KIF6: variants seen among roughly 807,000 people sequenced by gnomAD.
The protein encoded by KIF6 is kinesin family member 6.
In KIF6, 106 loss-of-function variants were observed where a neutral mutation model predicts 112.7. The ratio of observed to expected loss-of-function variants is 0.94; its 90% confidence interval spans 0.80 to 1.11. The LOEUF (loss-of-function observed/expected upper bound fraction) is 1.11, where lower values mean the gene tolerates loss of function less well. Among genes scored for constraint, KIF6 ranks in the 50% least tolerant of loss-of-function variants. The pLI is 0.00. For synonymous variants in KIF6, 339 were observed against 339.9 expected, an observed-to-expected ratio of 1.00 and a Z score of 0.03; for missense variants, 929 against 964.0, an observed-to-expected ratio of 0.96 and a Z score of 0.48.
chr6:39,586,329 C>T lies in KIF6; in HGVS notation c.922G>A (p.Asp308Asn). The change falls in exon 8 of 23, where the codon GAC becomes AAC. Residue 308 changes from aspartate (D) to asparagine (N), a missense_variant. By Grantham distance (23) the Asp-to-Asn change is conservative. This residue lies in a region of KIF6 where 688 missense variants were observed against 662.7 expected (regional missense o/e 1.04). Coordinates refer to ENST00000287152, the MANE Select transcript of KIF6 (RefSeq NM_145027.6). ...GTCATGCAGTTCCCTCCCAAACTGT[C>T]TCTTAGGACACTGGTCATCATGGAG... ...RNSMMTSVLR[D>N]SLGGNCMTTM... is the part of the protein sequence containing the mutation. The T allele has an allele frequency of 6.2e-7, 1 of 1,614,062 alleles. No individual in the cohort carries two copies. The highest frequency in any genetic ancestry group is 8.5e-7 in the Non-Finnish European group (1 of 1,179,916).
chr6:39,652,736 T>C (rs911145980), intron 3 of KIF6, among the ~76,000 whole-genome samples: 1 of 152,162 alleles, frequency 6.6e-6, no homozygotes, highest in Non-Finnish European at 1.5e-5. Flanking sequence ...ATCTCCCATT[T>C]TAGAGATGAG....
intron 16 of KIF6, among the ~76,000 whole-genome samples, chr6:39,379,389 G>C (rs1352519460): frequency 6.6e-6 from 1 of 152,172 alleles, no homozygotes. Context: ...GCATTCATCT[G>C]GCCATTGACT....
chr6:39,516,637 A>G (rs1582029437), intron 13 of KIF6, among the ~76,000 whole-genome samples: 1 of 152,190 alleles, frequency 6.6e-6, no homozygotes, highest in African/African-American at 2.4e-5. Context: ...TTACTTGTAA[A>G]GTTTTAATTT....
chr6:39,621,194 T>C (rs964929672), intron 5 of KIF6, among the ~76,000 whole-genome samples: 4 of 120,204 alleles, frequency 3.3e-5, no homozygotes, highest in African/African-American at 1.4e-4. Context: ...CACCGTAAGA[T>C]AGACACACAC....
At chr6:39,605,021 T>C (rs1457386277) in intron 6 of KIF6, among the ~76,000 whole-genome samples, 1 of 152,142 alleles carries the variant, frequency 6.6e-6, no homozygotes, top group African/African-American at 2.4e-5. Flanking sequence ...TAAATTGTGG[T>C]ACATATGGGA....
At chr6:39,604,295 T>C (rs1449680809) in intron 6 of KIF6, among the ~76,000 whole-genome samples, 2 of 152,174 alleles carry the variant, frequency 1.3e-5, no homozygotes, top group African/African-American at 4.8e-5. Context: ...ATTCTTTATA[T>C]AGTTCTTCCC....
At chr6:39,648,606 T>A (rs1249936044) in intron 3 of KIF6, among the ~76,000 whole-genome samples, 1 of 152,200 alleles carries the variant, frequency 6.6e-6, no homozygotes, top group Non-Finnish European at 1.5e-5. Flanking sequence ...GACATGTTCT[T>A]CAGTTTGCTG....
At chr6:39,470,404 C>T (rs1562244710) in intron 13 of KIF6, among the ~76,000 whole-genome samples, 1 of 152,200 alleles carries the variant, frequency 6.6e-6, no homozygotes, top group Non-Finnish European at 1.5e-5. Context: ...ACAGACTTCT[C>T]TGTAGGAGCA....
At chr6:39,617,739 C>T (rs902302559) in intron 5 of KIF6, 12 of 455,530 alleles carry the variant, frequency 2.6e-5, no homozygotes, top group Non-Finnish European at 4.0e-5. Flanking sequence ...TGAGGTCATA[C>T]AGACTAGAGG....
intron 3 of KIF6, among the ~76,000 whole-genome samples, chr6:39,656,697 C>T (rs1785804305): frequency 6.6e-6 from 1 of 152,098 alleles, no homozygotes; most frequent in African/African-American, 2.4e-5. Context: ...ACATCACAAA[C>T]CTCAGCCTCC....
chr6:39,529,740 T>C (rs1024784007), intron 13 of KIF6, among the ~76,000 whole-genome samples: 1 of 151,876 alleles, frequency 6.6e-6, no homozygotes, highest in Non-Finnish European at 1.5e-5. Flanking sequence ...TGAGCCAAGA[T>C]CATGCCACTG....
At chr6:39,639,262 AAAAG>A (rs770915344) in intron 4 of KIF6, among the ~76,000 whole-genome samples, 21 of 152,088 alleles carry the variant, frequency 1.4e-4, no homozygotes, top group Non-Finnish European at 2.8e-4. Flanking sequence ...TTCAGTAGCT[AAAAG>A]AAAGATCTGC....
intron 13 of KIF6, among the ~76,000 whole-genome samples, chr6:39,467,246 A>G (rs891212771): frequency 1.3e-5 from 2 of 152,232 alleles, no homozygotes; most frequent in African/African-American, 4.8e-5. Context: ...GATCAGCTAG[A>G]TGCTTAACAG....
chr6:39,681,988 C>G (rs1227325592), intron 3 of KIF6, among the ~76,000 whole-genome samples: 7 of 151,880 alleles, frequency 4.6e-5, no homozygotes, highest in African/African-American at 1.5e-4. Context: ...GGGGGAAATA[C>G]TGAATTCTGT....
intron 13 of KIF6, among the ~76,000 whole-genome samples, chr6:39,538,605 T>G (rs1778590176): frequency 6.6e-6 from 1 of 150,688 alleles, no homozygotes; most frequent in Non-Finnish European, 1.5e-5. Context: ...AGGAACACTT[T>G]TACACTGTTG....
At chr6:39,713,561 G>T (rs1789675207) in intron 3 of KIF6, among the ~76,000 whole-genome samples, 1 of 152,094 alleles carries the variant, frequency 6.6e-6, no homozygotes, top group Non-Finnish European at 1.5e-5. Context: ...GAAACTTAAG[G>T]TTCCCTTCCT....
rs78166328 is a variant in KIF6 at position 39,573,173 on chromosome 6, G to A, written c.1181+4883C>T. On this transcript the variant is annotated intron_variant, in intron 10 of 22. Coordinates refer to ENST00000287152, the MANE Select transcript of KIF6 (RefSeq NM_145027.6). ...TGCCACTGTGTCCTGACAAGCTCTG[G>A]GACACATACTCTCTCAGTACCATCA... is the stretch of plus-strand genomic sequence containing the variant. Among the ~76,000 whole-genome samples, 34 of 151,936 alleles carry A rather than the reference G, an allele frequency of 2.2e-4. No individual in the cohort carries two copies. In the East Asian group the frequency reaches 4.7e-3, roughly 21 times the overall value.
chr6:39,655,907 C>T (rs922016889), intron 3 of KIF6, among the ~76,000 whole-genome samples: 5 of 152,162 alleles, frequency 3.3e-5, no homozygotes, highest in Admixed American at 2.0e-4. Flanking sequence ...TATTCTTGTA[C>T]ATGTTCCTTT....
chr6:39,377,581 T>TA (rs1360837048), intron 16 of KIF6, among the ~76,000 whole-genome samples: 1 of 152,076 alleles, frequency 6.6e-6, no homozygotes, highest in Non-Finnish European at 1.5e-5. Context: ...TTACATCAAA[T>TA]GGGAGAAAGT....
Sources: gnomAD v4.1 joint callset for allele counts (sites outside exome capture counted in the v4.1 genomes callset) on GRCh38, gnomAD v4.1.1 for gene constraint, gnomAD v4.1.1 regional missense constraint, MANE v1.5 for transcripts, NCBI Gene and HGNC (gene_info 2026-07-23, HGNC 2026-07-21) for gene names.